Variants in SESN3 observed in about 807,000 individuals in gnomAD.
The protein encoded by SESN3 is sestrin-3.
A neutral mutation model predicts 55.3 loss-of-function variants in SESN3; 21 were observed. The observed-to-expected ratio is 0.38, with a 90% CI of 0.27 to 0.55. The LOEUF (loss-of-function observed/expected upper bound fraction) is 0.55. SESN3 is among the 20% of genes least tolerant of loss of function. SESN3 has a pLI of 0.76. For missense variants in SESN3, 408 were observed against 604.3 expected, an observed-to-expected ratio of 0.68 and a Z score of 3.41; for synonymous variants, 181 against 203.1, an observed-to-expected ratio of 0.89 and a Z score of 0.93.
At chr11:95,216,006 G>C (rs1860747988) in intron 1 of SESN3, among the ~76,000 whole-genome samples, 1 of 150,862 alleles carries the variant, frequency 6.6e-6, no homozygotes, top group Non-Finnish European at 1.5e-5. Flanking sequence ...GCTGAGGCAG[G>C]AGAATGGCGT....
intron 1 of SESN3, among the ~76,000 whole-genome samples, chr11:95,220,710 C>G (rs1860842579): frequency 6.6e-6 from 1 of 152,114 alleles, no homozygotes. Flanking sequence ...GCCTTTCACA[C>G]AAAGAAAAAC....
In SESN3 at chr11:95,169,952, C is replaced by G. The variant is rs1373271848; in HGVS notation, c.*3303G>C. ...TGAGTTTTCTGTTGTAAAAACAGCC[C>G]TGTGTTTCTCTGCCATTATTTGGGC... On this transcript the variant is annotated 3_prime_UTR_variant, in exon 10 of 10. Transcript: ENST00000536441. 1 of 152,030 alleles carries G rather than the reference C, an allele frequency of 6.6e-6. No individual in the cohort carries two copies. The highest frequency in any genetic ancestry group is 2.4e-5 in the African/African-American group (1 of 41,378). 9.4% of individuals were successfully genotyped at this position (152,030 alleles called of 1,614,324 possible). A position where few individuals can be genotyped will look rare whatever the true frequency, so the allele number is the denominator to read the frequency against.
At chr11:95,207,846 GT>G (rs545100252) in intron 1 of SESN3, among the ~76,000 whole-genome samples, 3 of 149,234 alleles carry the variant, frequency 2.0e-5, no homozygotes, top group African/African-American at 4.9e-5. Flanking sequence ...GTTTTGTTTT[GT>G]TTTTTTTGTA....
intron 1 of SESN3, among the ~76,000 whole-genome samples, chr11:95,208,147 TGA>T (rs1316428014): frequency 3.3e-5 from 5 of 151,612 alleles, no homozygotes; most frequent in Admixed American, 1.3e-4. Flanking sequence ...ATGTAAATGG[TGA>T]GAGTAGTCTT....
intron 1 of SESN3, among the ~76,000 whole-genome samples, chr11:95,199,449 T>C (rs1310418328): frequency 6.6e-6 from 1 of 152,052 alleles, no homozygotes; most frequent in African/African-American, 2.4e-5. Flanking sequence ...ACTGAAAGGA[T>C]GAGGATGAAT....
chr11:95,220,103 G>A (rs1860831605), intron 1 of SESN3, among the ~76,000 whole-genome samples: 1 of 152,168 alleles, frequency 6.6e-6, no homozygotes, highest in South Asian at 2.1e-4. Context: ...AGATTCTGTA[G>A]ACTATAGGGG....
intron 3 of SESN3, 93 bp from the exon 4 acceptor site, chr11:95,190,054 A>AT (rs1860236971): frequency 2.1e-5 from 19 of 888,426 alleles, no homozygotes; most frequent in Non-Finnish European, 2.6e-5. Context: ...GGAGCTAATG[A>AT]TTTTTATAGC....
chr11:95,221,240 G>A (rs755876551), intron 1 of SESN3, among the ~76,000 whole-genome samples: 10 of 151,908 alleles, frequency 6.6e-5, no homozygotes, highest in African/African-American at 2.4e-4. Context: ...GGAGGCGGTG[G>A]TTTCACTGAG....
intron 5 of SESN3, 150 bp downstream of exon 5, chr11:95,185,106 A>G: frequency 1.8e-6 from 1 of 566,998 alleles, no homozygotes; most frequent in Non-Finnish European, 3.1e-6. Flanking sequence ...TCAGAACTTC[A>G]GGTACCAAAT....
At chr11:95,180,181 CATAA>C (rs1230476207) in intron 6 of SESN3, among the ~76,000 whole-genome samples, 3 of 152,022 alleles carry the variant, frequency 2.0e-5, no homozygotes, top group Admixed American at 6.6e-5. Context: ...TGTCATATTT[CATAA>C]ATAATAAATA....
chr11:95,189,869 C>T lies in SESN3; in HGVS notation c.435G>A (p.Leu145=). The change falls in exon 4 of 10, where the codon TTG becomes TTA. Residue 145 remains leucine (L), a synonymous_variant. Transcript: ENST00000536441. Reference sequence around the variant, plus strand: ...TTTTCAGTCTTTGTGGCACATATTCCAAACCATTCAACCACTCAGCAATAC... The same window carrying T: ...TTTTCAGTCTTTGTGGCACATATTCTAAACCATTCAACCACTCAGCAATAC... The part of the protein sequence containing the change: ...TGGIAEWLNG[L]EYVPQRLKNL... The T allele has an allele frequency of 6.2e-7, 1 of 1,611,608 alleles. No homozygotes were observed. The highest frequency in any genetic ancestry group is 8.5e-7 in the Non-Finnish European group (1 of 1,178,524).
chr11:95,180,289 C>A (rs1224242097), intron 6 of SESN3, among the ~76,000 whole-genome samples: 1 of 152,028 alleles, frequency 6.6e-6, no homozygotes, highest in Non-Finnish European at 1.5e-5. Flanking sequence ...TATGTTAATT[C>A]TTCCAAAAGA....
intron 6 of SESN3, among the ~76,000 whole-genome samples, chr11:95,179,177 CAG>C (rs1319187491): frequency 6.7e-6 from 1 of 150,274 alleles, no homozygotes; most frequent in African/African-American, 2.4e-5. Context: ...TTTTTTGAGA[CAG>C]AGTCTTGCTC....
In SESN3 at chr11:95,185,286, C is replaced by G. The variant is rs149346821; in HGVS notation, c.732G>C (p.Glu244Asp). 24 of 1,611,750 alleles carry G rather than the reference C, an allele frequency of 1.5e-5. No homozygotes were observed. Among genetic ancestry groups the G allele is most frequent in the South Asian group, 2.2e-5 (2 of 90,974 alleles). ...AGTTGCTGCCTGAAAGAGATGCATT[C>G]TCTATGTTGTTGTCATTAGCAAGAT... ...VCDLANDNNI[E>D]NASLSGSNFG... Residue 244 changes from glutamate to aspartate, a missense_variant, in exon 5 of 10, where the codon GAG becomes GAC. Physicochemically the swap from Glu to Asp is conservative, Grantham distance 45. Transcript: ENST00000536441.
chr11:95,193,268 AGACAATAATT>A (rs1348784405), intron 2 of SESN3, among the ~76,000 whole-genome samples, 179 bp downstream of exon 2: 1 of 152,186 alleles, frequency 6.6e-6, no homozygotes, highest in African/African-American at 2.4e-5. Context: ...CCTTCTTTTA[AGACAATAATT>A]GGCACTCTGT....
intron 1 of SESN3, among the ~76,000 whole-genome samples, chr11:95,201,913 T>C (rs553115736): frequency 6.6e-6 from 1 of 152,164 alleles, no homozygotes; most frequent in African/African-American, 2.4e-5. Flanking sequence ...CTGTGCTCTG[T>C]GGAAATTAGA....
intron 2 of SESN3, 117 bp from the exon 3 acceptor site, chr11:95,191,718 G>T: frequency 1.4e-6 from 1 of 714,530 alleles, no homozygotes. Flanking sequence ...AACAGACACT[G>T]AAATTATGCA....
At chr11:95,192,702 A>G (rs1860290442) in intron 2 of SESN3, among the ~76,000 whole-genome samples, 1 of 152,096 alleles carries the variant, frequency 6.6e-6, no homozygotes, top group Admixed American at 6.6e-5. Context: ...AATGTTTGAA[A>G]AGTATAAATT....
chr11:95,199,303 G>A (rs1002095730), intron 1 of SESN3, among the ~76,000 whole-genome samples: 10 of 151,828 alleles, frequency 6.6e-5, no homozygotes, highest in African/African-American at 2.4e-4. Flanking sequence ...TATTTTGTAA[G>A]GTTTATAATC....
Sources: gnomAD v4.1 joint callset for allele counts (sites outside exome capture counted in the v4.1 genomes callset) on GRCh38, gnomAD v4.1.1 for gene constraint, MANE v1.5 for transcripts, NCBI Gene and HGNC (gene_info 2026-07-23, HGNC 2026-07-21) for gene names.